Variants in LHFPL3 observed in about 807,000 individuals in gnomAD.
LHFPL3 encodes LHFPL tetraspan subfamily member 3 protein.
A neutral mutation model predicts 19.3 loss-of-function variants in LHFPL3; 5 were observed. That is an observed-to-expected ratio of 0.26 (90% CI 0.14 to 0.54). The LOEUF (loss-of-function observed/expected upper bound fraction) is 0.54. Among genes scored for constraint, LHFPL3 ranks in the 20% least tolerant of loss-of-function variants. The probability of loss-of-function intolerance (pLI) is 0.94; values close to 1 mark genes in which losing one functional copy is unlikely to be tolerated. For missense variants in LHFPL3, 249 were observed against 307.4 expected, an observed-to-expected ratio of 0.81 and a Z score of 1.42; for synonymous variants, 133 against 126.2, an observed-to-expected ratio of 1.05 and a Z score of -0.36.
chr7:104,508,060 A>G (rs1793734870), intron 1 of LHFPL3, among the ~76,000 whole-genome samples: 1 of 149,524 alleles, frequency 6.7e-6, no homozygotes, highest in Admixed American at 6.7e-5. Context: ...GTGATTCCTC[A>G]GGGATCTAGA....
At chr7:104,491,747 A>G (rs1027719904) in intron 1 of LHFPL3, among the ~76,000 whole-genome samples, 3 of 152,224 alleles carry the variant, frequency 2.0e-5, no homozygotes, top group African/African-American at 7.2e-5. Context: ...TAATCCCTTT[A>G]CATTTGAAAG....
At chr7:104,764,747 C>T (rs929675760) in intron 2 of LHFPL3, among the ~76,000 whole-genome samples, 14 of 152,204 alleles carry the variant, frequency 9.2e-5, no homozygotes, top group African/African-American at 2.9e-4. Context: ...TTTCGCTAGG[C>T]CATGACTGTG....
At chr7:104,545,489 A>G (rs1794561511) in intron 1 of LHFPL3, among the ~76,000 whole-genome samples, 2 of 152,268 alleles carry the variant, frequency 1.3e-5, no homozygotes, top group African/African-American at 4.8e-5. Context: ...TACAGTATAA[A>G]GAAGGGCTCT....
intron 1 of LHFPL3, among the ~76,000 whole-genome samples, chr7:104,603,060 CTTTCTT>C (rs1369395886): frequency 1.4e-4 from 19 of 138,830 alleles, no homozygotes; most frequent in African/African-American, 4.0e-4. Flanking sequence ...TTTTTTCTTT[CTTTCTT>C]TTTCTTTCTT....
chr7:104,593,510 A>T (rs901464513), intron 1 of LHFPL3, among the ~76,000 whole-genome samples: 1 of 151,874 alleles, frequency 6.6e-6, no homozygotes, highest in African/African-American at 2.4e-5. Flanking sequence ...AAGAATGTAT[A>T]CTCTGTTGAT....
At chr7:104,802,381 ATAC>A (rs1264338560) in intron 2 of LHFPL3, among the ~76,000 whole-genome samples, 1 of 150,918 alleles carries the variant, frequency 6.6e-6, no homozygotes. Context: ...GTAATCCCAG[ATAC>A]TGGTGGGGGC....
rs188933048 is a variant in LHFPL3 at position 104,449,004 on chromosome 7, A to G, written c.445+119780A>G. Among the ~76,000 whole-genome samples, 11 of 152,338 alleles carry G rather than the reference A, an allele frequency of 7.2e-5. No individual in the cohort carries two copies. The East Asian group carries it at 2.1e-3, about 29-fold the overall frequency. On this transcript the variant is annotated intron_variant, in intron 1 of 2. Transcript: ENST00000424859. ...TCACAAACGAAGTGCCTTTCAGATTAAAATTAAGATGATGCCTTTACCTAT... is the reference window on the plus strand; with the variant it reads ...TCACAAACGAAGTGCCTTTCAGATTGAAATTAAGATGATGCCTTTACCTAT...
intron 1 of LHFPL3, among the ~76,000 whole-genome samples, chr7:104,542,413 T>C (rs1299093196): frequency 6.6e-6 from 1 of 152,178 alleles, no homozygotes; most frequent in Non-Finnish European, 1.5e-5. Context: ...AGGAGTTCTC[T>C]CATCTTCTGA....
intron 1 of LHFPL3, among the ~76,000 whole-genome samples, chr7:104,458,574 G>C (rs1244783955): frequency 1.3e-5 from 2 of 151,914 alleles, no homozygotes; most frequent in Non-Finnish European, 2.9e-5. Flanking sequence ...TGTTCTTTTG[G>C]CTTAGGATTG....
At chr7:104,430,436 A>ATACACG (rs1562895305) in intron 1 of LHFPL3, among the ~76,000 whole-genome samples, 3 of 13,072 alleles carry the variant, frequency 2.3e-4, no homozygotes, top group Non-Finnish European at 4.2e-4. Context: ...ATATATATAT[A>ATACACG]TATATATATA....
intron 2 of LHFPL3, among the ~76,000 whole-genome samples, chr7:104,861,014 C>A (rs892074521): frequency 6.6e-6 from 1 of 152,154 alleles, no homozygotes; most frequent in Admixed American, 6.5e-5. Flanking sequence ...CTGTCGCATG[C>A]AATTAGGTGC....
chr7:104,889,677 A>T (rs1362939873), intron 2 of LHFPL3, among the ~76,000 whole-genome samples: 1 of 152,218 alleles, frequency 6.6e-6, no homozygotes, highest in Non-Finnish European at 1.5e-5. Context: ...TTTTCCAAAG[A>T]GCATTTTCTA....
chr7:104,784,307 C>T (rs908445894), intron 2 of LHFPL3, among the ~76,000 whole-genome samples: 1 of 152,182 alleles, frequency 6.6e-6, no homozygotes, highest in Non-Finnish European at 1.5e-5. Flanking sequence ...CAGGAAAGAA[C>T]TGAATTCAAG....
chr7:104,539,920 T>C (rs1314429528), intron 1 of LHFPL3, among the ~76,000 whole-genome samples: 2 of 152,144 alleles, frequency 1.3e-5, no homozygotes, highest in Admixed American at 6.5e-5. Flanking sequence ...GTTTTCTTTG[T>C]GTGGGTGTGA....
chr7:104,865,776 G>A (rs962557571), intron 2 of LHFPL3, among the ~76,000 whole-genome samples: 36 of 152,124 alleles, frequency 2.4e-4, no homozygotes, highest in Non-Finnish European at 3.1e-4. Context: ...ATAATTCTCA[G>A]ATTCACCAAA....
chr7:104,400,104 CAAAAAAAAAAAAAAAAAAAAAAAAAAAAA>C (rs398005676), intron 1 of LHFPL3, among the ~76,000 whole-genome samples: 3 of 25,704 alleles, frequency 1.2e-4, no homozygotes, highest in Admixed American at 1.4e-3. Context: ...AACTCCATCT[CAAAAAAAAAAAAAAAAAAAAAAAAAAAAA>C]AAAAAAAAAA....
At chr7:104,348,313 G>A (rs539260162) in intron 1 of LHFPL3, among the ~76,000 whole-genome samples, 1 of 152,298 alleles carries the variant, frequency 6.6e-6, no homozygotes, top group South Asian at 2.1e-4. Context: ...AACTTGGGAG[G>A]CGGAGCTTGC....
rs544123387 is a variant in LHFPL3 at position 104,881,027 on chromosome 7, G to A, written c.683-25160G>A. 7.0e-4 allele frequency among the ~76,000 whole-genome samples: 107 copies of A among 152,024 alleles called. 1 individual carries two copies. The highest frequency in any genetic ancestry group is 1.3e-3 in the Non-Finnish European group (89 of 67,962). ...CTACTGAAAATACAAAATATTAGCC[G>A]GGCGTGCTAGCAGGCACCTGTAGTC... On this transcript the variant is annotated intron_variant, in intron 2 of 2. Transcript: ENST00000424859.
intron 1 of LHFPL3, among the ~76,000 whole-genome samples, chr7:104,577,014 A>G (rs1296124323): frequency 1.3e-5 from 2 of 152,166 alleles, no homozygotes; most frequent in Non-Finnish European, 2.9e-5. Context: ...GTTACCTTCC[A>G]ATGACTTTCA....
Sources: gnomAD v4.1 joint callset for allele counts (sites outside exome capture counted in the v4.1 genomes callset) on GRCh38, gnomAD v4.1.1 for gene constraint, MANE v1.5 for transcripts, NCBI Gene and HGNC (gene_info 2026-07-23, HGNC 2026-07-21) for gene names.